Variants in TMEM161B observed in about 807,000 individuals in gnomAD.
TMEM161B encodes transmembrane protein 161B.
Under a neutral mutation model 61.8 loss-of-function variants are expected in TMEM161B, and 34 were observed. The ratio of observed to expected loss-of-function variants is 0.55; its 90% CI spans 0.42 to 0.73. TMEM161B has a LOEUF of 0.73. Among genes scored for constraint, TMEM161B ranks in the 30% least tolerant of loss-of-function variants. The pLI is 0.00. For missense variants in TMEM161B, 456 were observed against 558.5 expected (o/e 0.82, Z 1.85); for synonymous variants, 167 against 192.8 (o/e 0.87, Z 1.11).
exon 13 of TMEM161B, chr5:88,189,981 A>G (rs1442992286): frequency 1.5e-6 from 1 of 683,922 alleles, no homozygotes; most frequent in Non-Finnish European, 2.7e-6. Flanking sequence ...CTTCTGTACC[A>G]AGTCAGCCAC....
chr5:88,191,762 C>T (rs867342654), downstream of TMEM161B, among the ~76,000 whole-genome samples: 7 of 151,366 alleles, frequency 4.6e-5, no homozygotes, highest in Middle Eastern at 3.4e-3. Context: ...TCGAGACCAT[C>T]CTGGCTAACA....
chr5:88,193,503 G>T (rs561656686), downstream of TMEM161B, among the ~76,000 whole-genome samples: 2 of 152,040 alleles, frequency 1.3e-5, no homozygotes, highest in South Asian at 4.1e-4. Flanking sequence ...AAACCAATTA[G>T]TTCAAATTTG....
At chr5:88,238,910 T>G (rs780716542) in intron 2 of TMEM161B, among the ~76,000 whole-genome samples, 1 of 151,954 alleles carries the variant, frequency 6.6e-6, no homozygotes, top group East Asian at 1.9e-4. Context: ...TGAAACTACC[T>G]ATAGCAGAAA....
chr5:88,218,205 A>G (rs545844746), intron 5 of TMEM161B, among the ~76,000 whole-genome samples: 35 of 152,302 alleles, frequency 2.3e-4, no homozygotes, highest in Admixed American at 2.1e-3. Context: ...CGAATATCTG[A>G]ATAATAAGCA....
At chr5:88,250,216 C>A (rs1025818306) in intron 1 of TMEM161B, among the ~76,000 whole-genome samples, 2 of 150,882 alleles carry the variant, frequency 1.3e-5, no homozygotes, top group Non-Finnish European at 3.0e-5. Context: ...AGAGAGAGAC[C>A]GAGACCAGAA....
chr5:88,206,351 AT>A, intron 7 of TMEM161B, 87 bp downstream of exon 7: 5 of 1,132,126 alleles, frequency 4.4e-6, no homozygotes, highest in Non-Finnish European at 6.3e-6. Context: ...CTCTTTACTA[AT>A]TTAAAACAGC....
intron 1 of TMEM161B, among the ~76,000 whole-genome samples, chr5:88,247,843 T>C (rs1009736750): frequency 1.8e-4 from 27 of 152,102 alleles, no homozygotes; most frequent in Admixed American, 1.5e-3. Context: ...CTATTTGGTG[T>C]ATTCAATGAA....
intron 5 of TMEM161B, among the ~76,000 whole-genome samples, chr5:88,211,323 C>T (rs1415234990): frequency 1.3e-5 from 2 of 150,948 alleles, no homozygotes; most frequent in African/African-American, 4.9e-5. Flanking sequence ...TTTCATAAAG[C>T]TAGACAAAGA....
chr5:88,268,755 C>T lies in TMEM161B; in HGVS notation c.-32G>A. ...TAGGATAGGTCGTGGACCAGACACC[C>T]TGGAGTTGCCGGGGCAGTCCCAAAC... On this transcript the variant is annotated 5_prime_UTR_variant, in exon 1 of 12. Coordinates refer to ENST00000296595, the MANE Select transcript of TMEM161B (RefSeq NM_153354.5). 1 of 1,614,032 alleles carries T rather than the reference C, an allele frequency of 6.2e-7. No homozygotes were observed. The highest frequency in any genetic ancestry group is 8.5e-7 in the Non-Finnish European group (1 of 1,179,936).
intron 8 of TMEM161B, among the ~76,000 whole-genome samples, chr5:88,203,681 T>C (rs1441661417): frequency 6.7e-6 from 1 of 148,336 alleles, no homozygotes; most frequent in East Asian, 1.9e-4. Context: ...TTGTTAACAA[T>C]CGTTAAGTGA....
At chr5:88,189,317 C>T (rs1748564534), downstream of TMEM161B, among the ~76,000 whole-genome samples, 1 of 152,096 alleles carries the variant, frequency 6.6e-6, no homozygotes. Flanking sequence ...TGAACTTCCT[C>T]ATGCTTCGGC....
Position 88,208,764 on chromosome 5 carries a change from C to A in TMEM161B, c.447-1584G>T, listed in dbSNP as rs76854320. On this transcript the variant is annotated intron_variant, in intron 5 of 11. Coordinates refer to ENST00000296595, the MANE Select transcript of TMEM161B (RefSeq NM_153354.5). ...AAGTTGAGATTTAAAACTAGACAGT[C>A]TGGATCTAGAATCTGTGCACGTAAC... Among the ~76,000 whole-genome samples, 1,274 of 152,282 alleles carry A rather than the reference C, an allele frequency of 8.4e-3. 17 individuals are homozygous for A. Among genetic ancestry groups the A allele is most frequent in the African/African-American group, 0.029 (1,193 of 41,560 alleles).
At chr5:88,186,755 C>T (rs936884974), downstream of TMEM161B, among the ~76,000 whole-genome samples, 5 of 151,652 alleles carry the variant, frequency 3.3e-5, no homozygotes, top group South Asian at 2.1e-4. Context: ...AATGGTGAAA[C>T]GTCTCTACTA....
chr5:88,262,394 TTGC>T (rs1247849024), intron 1 of TMEM161B, among the ~76,000 whole-genome samples: 3 of 152,280 alleles, frequency 2.0e-5, no homozygotes, highest in Admixed American at 6.5e-5. Flanking sequence ...GCAATTGCAC[TTGC>T]TGGTTTTTAC....
intron 1 of TMEM161B, among the ~76,000 whole-genome samples, chr5:88,245,600 G>A (rs542748907): frequency 2.6e-5 from 4 of 152,014 alleles, no homozygotes; most frequent in Non-Finnish European, 5.9e-5. Flanking sequence ...AAAAGTATAT[G>A]ATTTCTGCTC....
At chr5:88,205,137 C>CA (rs1451399734) in intron 8 of TMEM161B, among the ~76,000 whole-genome samples, 4 of 150,696 alleles carry the variant, frequency 2.7e-5, no homozygotes, top group South Asian at 2.1e-4. Flanking sequence ...TCTACATCAA[C>CA]AAAAAAAAAT....
chr5:88,224,973 T>TTG (rs1749759030), intron 4 of TMEM161B, among the ~76,000 whole-genome samples: 2 of 142,816 alleles, frequency 1.4e-5, no homozygotes, highest in Admixed American at 1.4e-4. Flanking sequence ...TTGTTTTTTT[T>TTG]TTTTTTTTTT....
rs527396027 is a variant in TMEM161B, at chr5:88,220,820, C to T, written c.290-101G>A. The stretch of plus-strand genomic sequence containing the variant: ...TGAGGATTTATTTATAATTAAAATA[C>T]GCTAGACTTTATTTGTTCATTTGCA... On this transcript the variant is annotated intron_variant, in intron 4 of 11. Coordinates refer to ENST00000296595, the MANE Select transcript of TMEM161B (RefSeq NM_153354.5). 58 of 1,341,600 alleles carry T rather than the reference C, an allele frequency of 4.3e-5. No homozygotes were observed. In the East Asian group the frequency reaches 6.2e-4, roughly 14 times the overall value. 83.1% of individuals were successfully genotyped at this position (1,341,600 alleles called of 1,614,324 possible).
chr5:88,186,908 A>G (rs1471187164), downstream of TMEM161B, among the ~76,000 whole-genome samples: 9 of 152,034 alleles, frequency 5.9e-5, no homozygotes, highest in African/African-American at 2.2e-4. Context: ...GTCTCAAACA[A>G]CAACAACAAC....
Sources: allele counts gnomAD v4.1 joint callset (sites outside exome capture counted in the v4.1 genomes callset), GRCh38; gene constraint gnomAD v4.1.1; transcripts MANE v1.5; gene names NCBI Gene and HGNC (gene_info 2026-07-23, HGNC 2026-07-21).